ERGIC2: variants seen among roughly 807,000 people sequenced by gnomAD.
The protein encoded by ERGIC2 is ERGIC and golgi 2, also known as endoplasmic reticulum-Golgi intermediate compartment protein 2.
ERGIC2 carries 31 observed loss-of-function variants against 52.5 expected under a neutral mutation model. The observed-to-expected ratio is 0.59, with a 90% confidence interval of 0.44 to 0.80. ERGIC2 has a LOEUF of 0.80. ERGIC2 is among the 30% of genes least tolerant of loss of function. The pLI, the probability that ERGIC2 is intolerant of heterozygous loss-of-function variation, is 0.00. For missense variants in ERGIC2, 395 were observed against 455.2 expected (o/e 0.87, Z 1.20); for synonymous variants, 129 against 140.6 (o/e 0.92, Z 0.58).
chr12:29,347,991 G>T (rs964257541), intron 10 of ERGIC2, among the ~76,000 whole-genome samples: 1 of 152,092 alleles, frequency 6.6e-6, no homozygotes, highest in African/African-American at 2.4e-5. Flanking sequence ...ACAAAGCATC[G>T]ACCAGTATGT....
At chr12:29,358,830 T>C (rs1940244585) in intron 6 of ERGIC2, among the ~76,000 whole-genome samples, 1 of 152,186 alleles carries the variant, frequency 6.6e-6, no homozygotes, top group South Asian at 2.1e-4. Context: ...GATTAAAAAC[T>C]TATGCATCAT....
intron 8 of ERGIC2, among the ~76,000 whole-genome samples, chr12:29,354,872 T>G (rs1940181072): frequency 6.6e-6 from 1 of 152,194 alleles, no homozygotes; most frequent in Non-Finnish European, 1.5e-5. Flanking sequence ...TCTGCTAAAT[T>G]TCTTTAAGCT....
At chr12:29,350,905 A>G (rs908775565) in intron 8 of ERGIC2, among the ~76,000 whole-genome samples, 1 of 152,130 alleles carries the variant, frequency 6.6e-6, no homozygotes, top group Non-Finnish European at 1.5e-5. Flanking sequence ...AAACAACTTT[A>G]CTACAATATA....
At chr12:29,355,255 TTAAA>T in intron 8 of ERGIC2, among the ~76,000 whole-genome samples, 1 of 152,304 alleles carries the variant, frequency 6.6e-6, no homozygotes, top group South Asian at 2.1e-4. Flanking sequence ...ACAACTATAA[TTAAA>T]TAATTATTAA....
intron 4 of ERGIC2, among the ~76,000 whole-genome samples, chr12:29,367,802 A>G (rs1357484059): frequency 2.0e-5 from 3 of 151,884 alleles, no homozygotes; most frequent in East Asian, 1.9e-4. Flanking sequence ...CCAGTGACGA[A>G]AAAAGAAAAG....
chr12:29,357,645 T>C lies in ERGIC2; in HGVS notation c.454A>G (p.Thr152Ala), dbSNP rs200037116. 2.1e-5 allele frequency: 33 copies of C among 1,588,342 alleles called. No individual in the cohort carries two copies. The Admixed American group carries it at 4.2e-4, about 20-fold the overall frequency. Residue 152 changes from threonine (T) to alanine (A), a missense_variant, in exon 7 of 14, where the codon ACA becomes GCA. Physicochemically the swap from Thr to Ala is moderately conservative, Grantham distance 58. Transcript: ENST00000360150. ...CACCTTGGTGGAAGAGCTGTTGATG[T>C]ACTTTTAAAAGCACTTTTAAATATC... Reference protein sequence around the residue: ...DVIFKSAFKSTSTALPPREDD... With the variant: ...DVIFKSAFKSASTALPPREDD...
chr12:29,369,043 T>TAG (rs1940403027), intron 3 of ERGIC2, among the ~76,000 whole-genome samples: 1 of 151,940 alleles, frequency 6.6e-6, no homozygotes, highest in South Asian at 2.1e-4. Context: ...AACTTTTTTC[T>TAG]GTGTAATAAT....
chr12:29,375,982 T>G (rs565757722), intron 1 of ERGIC2, among the ~76,000 whole-genome samples: 64 of 152,372 alleles, frequency 4.2e-4, no homozygotes, highest in Admixed American at 4.2e-3. Flanking sequence ...AAGAAATTGC[T>G]GTCTGCTCTC....
At chr12:29,354,868 A>G (rs1453006280) in intron 8 of ERGIC2, among the ~76,000 whole-genome samples, 2 of 152,222 alleles carry the variant, frequency 1.3e-5, no homozygotes, top group Non-Finnish European at 2.9e-5. Flanking sequence ...AAAATCTGCT[A>G]AATTTCTTTA....
At chr12:29,343,664 G>C (rs1483274497) in intron 11 of ERGIC2, among the ~76,000 whole-genome samples, 2 of 151,998 alleles carry the variant, frequency 1.3e-5, no homozygotes, top group African/African-American at 4.8e-5. Flanking sequence ...AATTAAAACA[G>C]TTTTACGTAG....
chr12:29,374,582 A>G (rs1219983427), intron 1 of ERGIC2, among the ~76,000 whole-genome samples: 1 of 152,176 alleles, frequency 6.6e-6, no homozygotes, highest in East Asian at 1.9e-4. Flanking sequence ...TTCAGACTCA[A>G]CAAGTCCAAA....
chr12:29,347,389 A>G (rs942791625), intron 10 of ERGIC2, among the ~76,000 whole-genome samples: 3 of 152,218 alleles, frequency 2.0e-5, no homozygotes, highest in Non-Finnish European at 4.4e-5. Context: ...CGGCTTCATT[A>G]ATAATAAAGC....
chr12:29,348,978 C>A, intron 10 of ERGIC2, 101 bp downstream of exon 10: 2 of 592,552 alleles, frequency 3.4e-6, no homozygotes, highest in South Asian at 4.4e-5. Flanking sequence ...TAAAGATTAT[C>A]TTTACACAGT....
At chr12:29,376,391 C>CAATATGCTTCT (rs1940515039) in intron 1 of ERGIC2, among the ~76,000 whole-genome samples, 1 of 152,082 alleles carries the variant, frequency 6.6e-6, no homozygotes, top group African/African-American at 2.4e-5. Context: ...CCAGATCATT[C>CAATATGCTTCT]AATATGCTTC....
chr12:29,346,352 T>C (rs1940051626), intron 10 of ERGIC2, among the ~76,000 whole-genome samples: 1 of 151,778 alleles, frequency 6.6e-6, no homozygotes, highest in Non-Finnish European at 1.5e-5. Flanking sequence ...CAAGCCCAAC[T>C]AAATTTTTTT....
Position 29,360,652 on chromosome 12 carries a change from G to GTA in ERGIC2, c.374+991_374+992dup, listed in dbSNP as rs201281666. Among the ~76,000 whole-genome samples, 1,361 of 147,288 alleles carry GTA rather than the reference G, an allele frequency of 9.2e-3. 17 individuals carry two copies. Among genetic ancestry groups the GTA allele is most frequent in the African/African-American group, 0.031 (1,265 of 40,480 alleles). ...TATATGTAAGAATTATCATAATTTT[G>GTA]TATATATATACACAGAAATATATAT... On this transcript the variant is annotated intron_variant, in intron 6 of 13. Transcript: ENST00000360150.
chr12:29,380,965 C>G (rs1241920000), intron 1 of ERGIC2, 150 bp downstream of exon 1: 1 of 152,268 alleles, frequency 6.6e-6, no homozygotes, highest in Non-Finnish European at 1.5e-5. Context: ...GGAGGTGGAG[C>G]GGCTTCTCCG....
chr12:29,376,060 G>A (rs1397111088), intron 1 of ERGIC2, among the ~76,000 whole-genome samples: 1 of 152,206 alleles, frequency 6.6e-6, no homozygotes, highest in African/African-American at 2.4e-5. Flanking sequence ...GAGACTCACA[G>A]GTTACAGAAG....
chr12:29,354,076 C>T (rs748651079), intron 8 of ERGIC2, among the ~76,000 whole-genome samples: 2 of 152,078 alleles, frequency 1.3e-5, no homozygotes, highest in Non-Finnish European at 2.9e-5. Flanking sequence ...GCCACAGAAA[C>T]AAGGCATCCT....
Sources: allele counts gnomAD v4.1 joint callset (sites outside exome capture counted in the v4.1 genomes callset), GRCh38; gene constraint gnomAD v4.1.1; transcripts MANE v1.5; gene names NCBI Gene and HGNC (gene_info 2026-07-23, HGNC 2026-07-21).